CNGB3: variants seen among roughly 807,000 people sequenced by gnomAD.
The protein encoded by CNGB3 is cyclic nucleotide gated channel subunit beta 3.
CNGB3 carries 86 observed loss-of-function variants against 92.8 expected under a neutral mutation model. The ratio of observed to expected loss-of-function variants is 0.93; its 90% CI spans 0.78 to 1.11. CNGB3 has a LOEUF of 1.11. CNGB3 is among the 50% of genes least tolerant of loss of function. The probability of loss-of-function intolerance (pLI) is 0.00; values close to 1 mark genes in which losing one functional copy is unlikely to be tolerated. For synonymous variants in CNGB3, 333 were observed against 332.7 expected, an observed-to-expected ratio of 1.00 and a Z score of -0.01; for missense variants, 1,026 against 956.8, an observed-to-expected ratio of 1.07 and a Z score of -0.95.
At chr8:86,666,713 A>G (rs144872463) in intron 6 of CNGB3, among the ~76,000 whole-genome samples, 1 of 152,276 alleles carries the variant, frequency 6.6e-6, no homozygotes, top group African/African-American at 2.4e-5. Flanking sequence ...ATATGAGGAA[A>G]CTAAGGTACA....
chr8:86,723,984 C>G (rs1304413796), intron 3 of CNGB3, among the ~76,000 whole-genome samples: 2 of 152,084 alleles, frequency 1.3e-5, no homozygotes, highest in Non-Finnish European at 2.9e-5. Context: ...ACATTGAGCA[C>G]ACAAGGACAC....
At chr8:86,654,923 A>G (rs1823474135) in intron 6 of CNGB3, among the ~76,000 whole-genome samples, 3 of 152,110 alleles carry the variant, frequency 2.0e-5, no homozygotes, top group Admixed American at 2.0e-4. Flanking sequence ...CCAAATCTCT[A>G]CTTCCACTAA....
chr8:86,603,123 A>G (rs1426442510), intron 15 of CNGB3, among the ~76,000 whole-genome samples: 1 of 152,206 alleles, frequency 6.6e-6, no homozygotes, highest in Non-Finnish European at 1.5e-5. Flanking sequence ...ATTCCTGACC[A>G]CTGCATCTAA....
intron 3 of CNGB3, among the ~76,000 whole-genome samples, chr8:86,712,375 G>T (rs1317778051): frequency 6.6e-6 from 1 of 151,886 alleles, no homozygotes; most frequent in Admixed American, 6.6e-5. Flanking sequence ...ACATTTCTAG[G>T]CTGTAGAAGA....
At chr8:86,697,729 T>C (rs951359018) in intron 3 of CNGB3, among the ~76,000 whole-genome samples, 10 of 152,204 alleles carry the variant, frequency 6.6e-5, no homozygotes, top group African/African-American at 2.2e-4. Flanking sequence ...GCCATGTTGG[T>C]GTGCTGCACC....
chr8:86,700,898 C>A (rs1428552387), intron 3 of CNGB3, among the ~76,000 whole-genome samples: 2 of 152,170 alleles, frequency 1.3e-5, no homozygotes, highest in African/African-American at 4.8e-5. Flanking sequence ...CCTCAGCCTC[C>A]CAAAGTGCTG....
At chr8:86,639,365 T>A (rs992600440) in intron 10 of CNGB3, among the ~76,000 whole-genome samples, 1 of 152,148 alleles carries the variant, frequency 6.6e-6, no homozygotes, top group African/African-American at 2.4e-5. Flanking sequence ...TTCTCACATT[T>A]TACAGTCTAA....
At chr8:86,717,071 C>T (rs530876564) in intron 3 of CNGB3, among the ~76,000 whole-genome samples, 1 of 152,134 alleles carries the variant, frequency 6.6e-6, no homozygotes, top group East Asian at 1.9e-4. Flanking sequence ...AAAAGCTATT[C>T]TTATATCAGA....
chr8:86,592,224 AC>A (rs1822061410), intron 15 of CNGB3, among the ~76,000 whole-genome samples: 1 of 151,942 alleles, frequency 6.6e-6, no homozygotes, highest in Non-Finnish European at 1.5e-5. Context: ...GCACCCACTG[AC>A]CTGTGCCCAC....
intron 6 of CNGB3, among the ~76,000 whole-genome samples, chr8:86,666,083 C>T (rs1170290226): frequency 1.3e-5 from 2 of 152,144 alleles, no homozygotes; most frequent in Non-Finnish European, 2.9e-5. Context: ...TTTCTCACAA[C>T]ACCAGGCTGT....
At chr8:86,618,790 C>T (rs1056969248) in intron 13 of CNGB3, among the ~76,000 whole-genome samples, 2 of 152,158 alleles carry the variant, frequency 1.3e-5, no homozygotes, top group African/African-American at 4.8e-5. Flanking sequence ...GATTTCAGGC[C>T]CTGTGGAGTA....
chr8:86,610,232 G>A (rs1308310005), intron 14 of CNGB3, among the ~76,000 whole-genome samples: 1 of 152,158 alleles, frequency 6.6e-6, no homozygotes, highest in Non-Finnish European at 1.5e-5. Flanking sequence ...CACTAGAAAG[G>A]TAGGCCCCTA....
rs1303061139 is a variant in CNGB3 at position 86,728,094 on chromosome 8, C to T, written c.212-1437G>A. ...TTATTCATTACGCATCTCCTATCTA[C>T]TTTTATTTTGGAATTATAGTATTTT... is the stretch of plus-strand genomic sequence containing the variant. On this transcript the variant is annotated intron_variant, in intron 2 of 17. Coordinates refer to ENST00000320005, the MANE Select transcript of CNGB3 (RefSeq NM_019098.5). Among the ~76,000 whole-genome samples the T allele has an allele frequency of 3.3e-5, 5 of 152,212 alleles. No homozygotes were observed. In the East Asian group the frequency reaches 9.7e-4, roughly 29 times the overall value.
chr8:86,669,401 A>G (rs967123270), intron 4 of CNGB3, among the ~76,000 whole-genome samples: 3 of 152,252 alleles, frequency 2.0e-5, no homozygotes, highest in African/African-American at 7.2e-5. Flanking sequence ...ACAGGTTTAA[A>G]GCTCACAAAT....
intron 3 of CNGB3, among the ~76,000 whole-genome samples, chr8:86,673,913 C>T (rs1470631707): frequency 6.6e-6 from 1 of 152,130 alleles, no homozygotes; most frequent in East Asian, 1.9e-4. Context: ...TGGGGTTCAT[C>T]AGTGATTATG....
At chr8:86,600,044 C>G in intron 15 of CNGB3, among the ~76,000 whole-genome samples, 1 of 152,182 alleles carries the variant, frequency 6.6e-6, no homozygotes, top group Non-Finnish European at 1.5e-5. Context: ...TAAAATTTCT[C>G]TCTCTTGTAC....
chr8:86,596,595 G>A (rs985585497), intron 15 of CNGB3, among the ~76,000 whole-genome samples: 23 of 152,308 alleles, frequency 1.5e-4, no homozygotes, highest in African/African-American at 5.3e-4. Context: ...AGGCACTTAT[G>A]TGGACCAGCC....
chr8:86,713,911 A>T (rs1029834096), intron 3 of CNGB3, among the ~76,000 whole-genome samples: 1 of 152,204 alleles, frequency 6.6e-6, no homozygotes, highest in African/African-American at 2.4e-5. Flanking sequence ...TTGAAGGTAT[A>T]CAGATTTCTC....
intron 12 of CNGB3, among the ~76,000 whole-genome samples, chr8:86,628,142 T>TG (rs370112082): frequency 1.3e-5 from 2 of 152,206 alleles, no homozygotes; most frequent in African/African-American, 4.8e-5. Flanking sequence ...AGTTCAGTTC[T>TG]GGGGGAGTCA....
Sources: allele counts gnomAD v4.1 joint callset (sites outside exome capture counted in the v4.1 genomes callset), GRCh38; gene constraint gnomAD v4.1.1; transcripts MANE v1.5; gene names NCBI Gene and HGNC (gene_info 2026-07-23, HGNC 2026-07-21).